Variants in CARS1 observed in about 807,000 individuals in gnomAD.
CARS1 encodes cysteine--tRNA ligase, cytoplasmic.
A neutral mutation model predicts 106.2 loss-of-function variants in CARS1; 48 were observed. That is an observed-to-expected ratio of 0.45 (90% CI 0.36 to 0.57). The LOEUF is 0.57. Among genes scored for constraint, CARS1 ranks in the 20% least tolerant of loss-of-function variants. The probability of loss-of-function intolerance (pLI) is 0.00; values close to 1 mark genes in which losing one functional copy is unlikely to be tolerated. For synonymous variants in CARS1, 409 were observed against 403.4 expected (o/e 1.01, Z -0.17); for missense variants, 968 against 1,057.2 (o/e 0.92, Z 1.17).
rs1004164980 is a variant in CARS1 at position 3,043,954 on chromosome 11, T to C, written c.275-1698A>G. Among the ~76,000 whole-genome samples the C allele has an allele frequency of 1.3e-5, 2 of 152,084 alleles. No individual in the cohort carries two copies. The highest frequency in any genetic ancestry group is 4.8e-5 in the African/African-American group (2 of 41,424). ...ATTCTAAAGCGTAGGCAATCTCCAATCTTAATCAAACATCATGTGCTTATT... is the reference window on the plus strand; with the variant it reads ...ATTCTAAAGCGTAGGCAATCTCCAACCTTAATCAAACATCATGTGCTTATT... On this transcript the variant is annotated intron_variant, in intron 2 of 22. Coordinates refer to ENST00000380525, the MANE Select transcript of CARS1 (RefSeq NM_001014437.3). The surrounding 1 kb of genome is among the most constrained non-coding windows in gnomAD (Gnocchi z 4.0).
rs747088598 is a variant in CARS1, at chr11:3,048,043, G to A, written c.26-42C>T. 3 of 1,598,682 alleles carry A rather than the reference G, an allele frequency of 1.9e-6. No individual in the cohort carries two copies. The highest frequency in any genetic ancestry group is 2.6e-6 in the Non-Finnish European group (3 of 1,169,996). On this transcript the variant is annotated intron_variant, in intron 1 of 22. Coordinates refer to ENST00000380525, the MANE Select transcript of CARS1 (RefSeq NM_001014437.3). The surrounding 1 kb of genome is among the most constrained non-coding windows in gnomAD (Gnocchi z 5.1). ...CACATGGTGTCAGGCAGGCAGGCGG[G>A]CAGCCCAGAGGCCGCCAGAAAGACA...
chr11:3,029,728 G>T lies in CARS1; in HGVS notation c.802-285C>A. The T allele has an allele frequency of 2.1e-6, 1 of 474,008 alleles. No individual in the cohort carries two copies. Among genetic ancestry groups the T allele is most frequent in the Non-Finnish European group, 3.8e-6 (1 of 266,016 alleles). 29.4% of individuals were successfully genotyped at this position (474,008 alleles called of 1,614,324 possible). A position where few individuals can be genotyped will look rare whatever the true frequency, so the allele number is the denominator to read the frequency against. On this transcript the variant is annotated intron_variant, in intron 7 of 22. Transcript: ENST00000380525. The surrounding 1 kb of genome is among the most constrained non-coding windows in gnomAD (Gnocchi z 5.9). ...AGGTGGGAGGGCCGAGGTGGGCCTG[G>T]TGAGCATGTGCAGCCTACCTGGGCC...
At chr11:3,049,884 G>GT (rs1855484197) in intron 1 of CARS1, among the ~76,000 whole-genome samples, 1 of 152,236 alleles carries the variant, frequency 6.6e-6, no homozygotes, top group African/African-American at 2.4e-5. Flanking sequence ...TGTTGCGGGG[G>GT]TAACTGCACA....
chr11:3,023,253 T>C (rs145842414), intron 10 of CARS1, among the ~76,000 whole-genome samples: 27 of 152,334 alleles, frequency 1.8e-4, no homozygotes, highest in African/African-American at 2.4e-4. Flanking sequence ...ACCTTTCCCA[T>C]GTGCTGCCAG....
intron 18 of CARS1, chr11:3,009,475 T>C (rs1850234788): frequency 6.6e-6 from 1 of 152,170 alleles, no homozygotes; most frequent in South Asian, 2.1e-4. Context: ...AGAGTTCCAG[T>C]TTGGGAAAAG....
chr11:3,052,473 C>T lies in CARS1; in HGVS notation c.26-4472G>A, dbSNP rs984070258. Among the ~76,000 whole-genome samples the T allele has an allele frequency of 6.6e-6, 1 of 152,192 alleles. No homozygotes were observed. The highest frequency in any genetic ancestry group is 6.5e-5 in the Admixed American group (1 of 15,282). Reference sequence around the variant, plus strand: ...AGAATTTCCTGGAGTTTTCCTAGGGCTCACACACCCATTTTTATTTAATTA... The same window carrying T: ...AGAATTTCCTGGAGTTTTCCTAGGGTTCACACACCCATTTTTATTTAATTA... On this transcript the variant is annotated intron_variant, in intron 1 of 22. Coordinates refer to ENST00000380525, the MANE Select transcript of CARS1 (RefSeq NM_001014437.3). This position sits in a 1 kb window ranked among gnomAD's most constrained non-coding sequence, Gnocchi z 4.6.
At chr11:3,009,188 G>C (rs1850205027) in intron 18 of CARS1, 1 of 152,228 alleles carries the variant, frequency 6.6e-6, no homozygotes. Context: ...ATAACGCAAA[G>C]GTGATGAGAA....
chr11:3,030,053 C>CGAG lies in CARS1; in HGVS notation c.802-611_802-610insCTC. On this transcript the variant is annotated intron_variant, in intron 7 of 22. Transcript: ENST00000380525. The surrounding 1 kb of genome is among the most constrained non-coding windows in gnomAD (Gnocchi z 5.7). Reference sequence around the variant, plus strand: ...CACACTCTAGGCATGAGACACGCCCCAACTGCACTCATGTCAGAAAAGAGA... The same window carrying CGAG: ...CACACTCTAGGCATGAGACACGCCCCGAGAACTGCACTCATGTCAGAAAAGAGA... The CGAG allele has an allele frequency of 6.6e-6, 1 of 152,486 alleles. No homozygotes were observed. The highest frequency in any genetic ancestry group is 1.5e-5 in the Non-Finnish European group (1 of 68,254). 9.4% of individuals were successfully genotyped at this position (152,486 alleles called of 1,614,324 possible).
At position 3,034,506 on chromosome 11, in the gene CARS1, C is replaced by G. The variant is rs527273459; in HGVS notation, c.801+3544G>C. 7.2e-5 allele frequency among the ~76,000 whole-genome samples: 11 copies of G among 152,046 alleles called. No homozygotes were observed. Among genetic ancestry groups the G allele is most frequent in the Admixed American group, 7.2e-4 (11 of 15,270 alleles). On this transcript the variant is annotated intron_variant, in intron 7 of 22. Coordinates refer to ENST00000380525, the MANE Select transcript of CARS1 (RefSeq NM_001014437.3). The surrounding 1 kb of genome is among the most constrained non-coding windows in gnomAD (Gnocchi z 6.3). ...AAAGTGCTAGGATTACAGGCGTGAC[C>G]CACTGCGCCTGGCCGGGAATGGGTA...
rs376903515 is a variant in CARS1, at chr11:3,039,611, G to A, written c.552+224C>T. Reference sequence around the variant, plus strand: ...CTTCTGCAAAACACCCAGGGCTACCGACCCCTGAGCAACATGCAGGTTTCT... The same window carrying A: ...CTTCTGCAAAACACCCAGGGCTACCAACCCCTGAGCAACATGCAGGTTTCT... On this transcript the variant is annotated intron_variant, in intron 5 of 22. Coordinates refer to ENST00000380525, the MANE Select transcript of CARS1 (RefSeq NM_001014437.3). The surrounding 1 kb of genome is among the most constrained non-coding windows in gnomAD (Gnocchi z 5.6). 1.5e-4 allele frequency among the ~76,000 whole-genome samples: 23 copies of A among 152,274 alleles called. No individual in the cohort carries two copies. Among genetic ancestry groups the A allele is most frequent in the Non-Finnish European group, 2.4e-4 (16 of 68,030 alleles).
chr11:3,012,154 G>T, intron 18 of CARS1, 41 bp downstream of exon 18: 1 of 1,552,470 alleles, frequency 6.4e-7, no homozygotes, highest in Non-Finnish European at 8.9e-7. Flanking sequence ...AGCCCAGTGA[G>T]GGGAGTGGCT....
intron 18 of CARS1, among the ~76,000 whole-genome samples, chr11:3,011,690 C>T (rs1850478552): frequency 6.6e-6 from 1 of 152,124 alleles, no homozygotes; most frequent in South Asian, 2.1e-4. Flanking sequence ...ACCCCAAGTT[C>T]AAGCATTCAT....
In CARS1 at chr11:3,020,895, G is replaced by C. The variant is rs1417408463; in HGVS notation, c.1154-563C>G. Among the ~76,000 whole-genome samples, 2 of 152,186 alleles carry C rather than the reference G, an allele frequency of 1.3e-5. No individual in the cohort carries two copies. The highest frequency in any genetic ancestry group is 1.9e-4 in the East Asian group (1 of 5,198). On this transcript the variant is annotated intron_variant, in intron 10 of 22. Transcript: ENST00000380525. This position sits in a 1 kb window ranked among gnomAD's most constrained non-coding sequence, Gnocchi z 4.6. Reference sequence around the variant, plus strand: ...ATTTGCTGTTCCTGTGTATTTATAAGGGGAAAATAGGTGAAGGAAACTAAA... The same window carrying C: ...ATTTGCTGTTCCTGTGTATTTATAACGGGAAAATAGGTGAAGGAAACTAAA...
intron 19 of CARS1, among the ~76,000 whole-genome samples, chr11:3,006,222 G>A (rs896271399): frequency 6.6e-6 from 1 of 152,232 alleles, no homozygotes; most frequent in Non-Finnish European, 1.5e-5. Flanking sequence ...GAGGTGGGCA[G>A]ATTACTTGAG....
In CARS1 at chr11:3,021,323, G is replaced by C. The variant is rs530513726; in HGVS notation, c.1154-991C>G. 8.9e-4 allele frequency among the ~76,000 whole-genome samples: 135 copies of C among 152,344 alleles called. No homozygotes were observed. The highest frequency in any genetic ancestry group is 3.1e-3 in the African/African-American group (130 of 41,576). ...ATAAGGTTACCAGGACCCACGCCAG[G>C]TCTTGCCCGGCTGCTGCAGCCTTTC... On this transcript the variant is annotated intron_variant, in intron 10 of 22. Transcript: ENST00000380525. This position sits in a 1 kb window ranked among gnomAD's most constrained non-coding sequence, Gnocchi z 5.3.
In CARS1 at chr11:3,022,451, G is replaced by C. The variant is rs912111651; in HGVS notation, c.1154-2119C>G. On this transcript the variant is annotated intron_variant, in intron 10 of 22. Transcript: ENST00000380525. The surrounding 1 kb of genome is among the most constrained non-coding windows in gnomAD (Gnocchi z 4.9). ...CAAATCTCAGGGAGGCGGATCTGAG[G>C]TTTCCTCCCATCTCCATTTGTCCAC... 6.6e-6 allele frequency among the ~76,000 whole-genome samples: 1 copy of C among 152,050 alleles called. No individual in the cohort carries two copies. The highest frequency in any genetic ancestry group is 1.5e-5 in the Non-Finnish European group (1 of 68,012).
intron 7 of CARS1, among the ~76,000 whole-genome samples, chr11:3,032,708 C>T (rs556949010): frequency 1.3e-5 from 2 of 151,984 alleles, no homozygotes; most frequent in African/African-American, 2.4e-5. Flanking sequence ...GGCAAAACTA[C>T]GGAGACAGTA....
intron 1 of CARS1, chr11:3,054,805 GA>G (rs1227615196): frequency 5.8e-6 from 4 of 695,414 alleles, no homozygotes; most frequent in African/African-American, 5.3e-5. Flanking sequence ...GACTCATGCT[GA>G]AAAAATGCTG....
Position 3,019,293 on chromosome 11 carries a change from C to T in CARS1, c.1267-26G>A. The T allele has an allele frequency of 1.4e-6, 2 of 1,384,948 alleles. No individual in the cohort carries two copies. Among genetic ancestry groups the T allele is most frequent in the East Asian group, 2.7e-5 (1 of 37,086 alleles). 85.8% of individuals were successfully genotyped at this position (1,384,948 alleles called of 1,614,324 possible). Reference sequence around the variant, plus strand: ...CTGGAGAAAGCCGAACACACAGTGACTGACCAGCCTACCCGCTTGTCCAGG... The same window carrying T: ...CTGGAGAAAGCCGAACACACAGTGATTGACCAGCCTACCCGCTTGTCCAGG... On this transcript the variant is annotated intron_variant, in intron 11 of 22. Coordinates refer to ENST00000380525, the MANE Select transcript of CARS1 (RefSeq NM_001014437.3). The surrounding 1 kb of genome is among the most constrained non-coding windows in gnomAD (Gnocchi z 6.2).
Sources: allele counts gnomAD v4.1 joint callset (sites outside exome capture counted in the v4.1 genomes callset), GRCh38; gene constraint gnomAD v4.1.1; non-coding constraint Gnocchi (gnomAD v3.1); transcripts MANE v1.5; gene names NCBI Gene and HGNC (gene_info 2026-07-23, HGNC 2026-07-21).